The following TC2N variants were observed in gnomAD, a reference collection of about 807,000 sequenced individuals.
TC2N encodes tandem C2 domains nuclear protein.
In TC2N, 51 loss-of-function variants were observed where a neutral mutation model predicts 61.9. That is an observed-to-expected ratio of 0.82 (90% CI 0.66 to 1.04). TC2N has a LOEUF of 1.04. Among genes scored for constraint, TC2N ranks in the 50% least tolerant of loss-of-function variants. TC2N has a pLI of 0.00. For synonymous variants in TC2N, 204 were observed against 192.6 expected (o/e 1.06, Z -0.49); for missense variants, 556 against 566.7 (o/e 0.98, Z 0.19).
chr14:91,803,189 G>C (rs1295712292), intron 3 of TC2N, among the ~76,000 whole-genome samples: 1 of 151,900 alleles, frequency 6.6e-6, no homozygotes, highest in Non-Finnish European at 1.5e-5. Flanking sequence ...GAAAAAATAA[G>C]CCTGCATTCA....
At chr14:91,797,153 G>A (rs996065880) in intron 8 of TC2N, among the ~76,000 whole-genome samples, 2 of 151,828 alleles carry the variant, frequency 1.3e-5, no homozygotes, top group East Asian at 1.9e-4. Context: ...AAAGAAAGAG[G>A]AAGAAAGAAA....
At chr14:91,793,218 C>T (rs780863218) in intron 8 of TC2N, among the ~76,000 whole-genome samples, 17 of 152,160 alleles carry the variant, frequency 1.1e-4, no homozygotes, top group Non-Finnish European at 7.3e-5. Flanking sequence ...GCTCTTGTTA[C>T]TTTTAATATT....
intron 3 of TC2N, among the ~76,000 whole-genome samples, chr14:91,805,605 C>T (rs1056164980): frequency 6.6e-6 from 1 of 151,636 alleles, no homozygotes; most frequent in African/African-American, 2.4e-5. Context: ...GCAGAGGTTG[C>T]AGTGAGCCAG....
intron 1 of TC2N, among the ~76,000 whole-genome samples, chr14:91,834,769 G>A (rs1195585787): frequency 2.0e-5 from 3 of 152,078 alleles, no homozygotes; most frequent in African/African-American, 7.2e-5. Context: ...CTGCCCCCTA[G>A]ATTTCCTCCT....
At chr14:91,866,573 C>T (rs1344471134) in intron 1 of TC2N, 1 of 152,196 alleles carries the variant, frequency 6.6e-6, no homozygotes, top group Non-Finnish European at 1.5e-5. Context: ...TGCAGGCGTC[C>T]CTACTCTTAA....
Position 91,802,401 on chromosome 14 carries a change from C to T in TC2N, c.322G>A (p.Gly108Arg). 1.9e-6 allele frequency: 3 copies of T among 1,611,504 alleles called. No individual in the cohort carries two copies. The highest frequency in any genetic ancestry group is 2.5e-6 in the Non-Finnish European group (3 of 1,179,152). ...ELEGSARASFGDRKVELSSSS... is the reference protein window; with the variant it reads ...ELEGSARASFRDRKVELSSSS... ...CTGGAAAGTTCTACCTTTCGATCTC[C>T]AAAAGATGCTCTGGCAGATCCTGAA... The change falls in exon 4 of 12, where the codon GGA becomes AGA. Residue 108 changes from glycine to arginine, a missense_variant. By Grantham distance (125) the Gly-to-Arg change is moderately radical (BLOSUM62 -2). Coordinates refer to ENST00000435962, the MANE Select transcript of TC2N (RefSeq NM_001128596.3).
chr14:91,851,526 G>A (rs762649024), intron 1 of TC2N, among the ~76,000 whole-genome samples: 8 of 152,066 alleles, frequency 5.3e-5, no homozygotes, highest in Non-Finnish European at 1.0e-4. Flanking sequence ...CCGTAGCGTC[G>A]GAATGAAGAA....
chr14:91,810,956 GA>G (rs1214423912), intron 3 of TC2N, among the ~76,000 whole-genome samples: 3 of 151,846 alleles, frequency 2.0e-5, no homozygotes, highest in Admixed American at 1.3e-4. Context: ...AAAGAGAGGG[GA>G]TAAGACAAAA....
intron 1 of TC2N, among the ~76,000 whole-genome samples, chr14:91,852,771 G>A (rs1250781325): frequency 6.6e-6 from 1 of 152,112 alleles, no homozygotes; most frequent in Non-Finnish European, 1.5e-5. Flanking sequence ...AGAGAGGGCA[G>A]AAGAACATGG....
intron 4 of TC2N, 82 bp downstream of exon 4, chr14:91,802,172 C>A (rs1374104506): frequency 4.7e-6 from 6 of 1,271,912 alleles, no homozygotes; most frequent in Admixed American, 5.8e-5. Flanking sequence ...TAGTAAAAAT[C>A]ATTTATTCCC....
chr14:91,792,546 T>C lies in TC2N; in HGVS notation c.868A>G (p.Met290Val). 6.5e-7 allele frequency: 1 copy of C among 1,535,176 alleles called. No homozygotes were observed. The highest frequency in any genetic ancestry group is 8.9e-7 in the Non-Finnish European group (1 of 1,129,694). Reference sequence around the variant, plus strand: ...TTAATAGCAAATACAAACGTTTCCATAAATTCAATAGCCTTAAAAAAAAAA... The same window carrying C: ...TTAATAGCAAATACAAACGTTTCCACAAATTCAATAGCCTTAAAAAAAAAA... ...AKEGSNAIEFMETFVFAIKLQ... is the reference protein window; with the variant it reads ...AKEGSNAIEFVETFVFAIKLQ... Residue 290 changes from methionine (M) to valine (V), a missense_variant, in exon 9 of 12, where the codon ATG becomes GTG. By Grantham distance (21) the Met-to-Val change is conservative (BLOSUM62 1). Coordinates refer to ENST00000435962, the MANE Select transcript of TC2N (RefSeq NM_001128596.3).
At chr14:91,825,862 T>C (rs17127607) in intron 1 of TC2N, among the ~76,000 whole-genome samples, 3,647 of 152,334 alleles carry the variant, frequency 0.024, 149 homozygotes, top group African/African-American at 0.084. Context: ...TTATTGATAT[T>C]GATTTGTAGC....
chr14:91,809,318 G>A (rs2139858045), intron 3 of TC2N, among the ~76,000 whole-genome samples: 1 of 152,260 alleles, frequency 6.6e-6, no homozygotes, highest in South Asian at 2.1e-4. Context: ...TGAGGCATGA[G>A]AATTGTTTGA....
chr14:91,797,323 A>G (rs1885948254), intron 8 of TC2N, among the ~76,000 whole-genome samples: 1 of 152,036 alleles, frequency 6.6e-6, no homozygotes, highest in South Asian at 2.1e-4. Flanking sequence ...CTTTTAACCT[A>G]TAAAAAGTGA....
At position 91,812,504 on chromosome 14, in the gene TC2N, G is replaced by A; in HGVS notation, c.109C>T (p.Gln37Ter). The change falls in exon 3 of 12, where the codon CAA becomes TAA. Residue 37 changes from glutamine to a stop codon, truncating the protein, a stop_gained. Coordinates refer to ENST00000435962, the MANE Select transcript of TC2N (RefSeq NM_001128596.3). LOFTEE classifies it high-confidence loss of function. ...RDFKAAVPNS[Q>*]NATISVPPLT... ...GGAGGTACAGAGATAGTAGCATTTT[G>A]ACTATTTGGGACTGCTGCTTTAAAA... is the stretch of plus-strand genomic sequence containing the variant. 6.3e-7 allele frequency: 1 copy of A among 1,597,868 alleles called. No individual in the cohort carries two copies. Among genetic ancestry groups the A allele is most frequent in the Non-Finnish European group, 8.6e-7 (1 of 1,169,346 alleles).
intron 1 of TC2N, among the ~76,000 whole-genome samples, chr14:91,851,597 C>A (rs1385579019): frequency 6.6e-6 from 1 of 152,208 alleles, no homozygotes; most frequent in African/African-American, 2.4e-5. Flanking sequence ...ACTTACCTGT[C>A]CCTTTGAAGT....
rs1457201465 is a variant in TC2N, at chr14:91,781,292, C to T, written c.*1808G>A. On this transcript the variant is annotated 3_prime_UTR_variant, in exon 12 of 12. Coordinates refer to ENST00000435962, the MANE Select transcript of TC2N (RefSeq NM_001128596.3). Reference sequence around the variant, plus strand: ...CATTTGCAGAGGATGTTTAGGGCAGCGAAACTATACTATATTATAATGATG... The same window carrying T: ...CATTTGCAGAGGATGTTTAGGGCAGTGAAACTATACTATATTATAATGATG... 5 of 151,918 alleles carry T rather than the reference C, an allele frequency of 3.3e-5. No homozygotes were observed. Among genetic ancestry groups the T allele is most frequent in the Admixed American group, 6.6e-5 (1 of 15,250 alleles). 9.4% of individuals were successfully genotyped at this position (151,918 alleles called of 1,614,324 possible). A position where few individuals can be genotyped will look rare whatever the true frequency, so the allele number is the denominator to read the frequency against.
chr14:91,791,290 A>C (rs1885645239), intron 9 of TC2N, among the ~76,000 whole-genome samples: 1 of 152,008 alleles, frequency 6.6e-6, no homozygotes, highest in Non-Finnish European at 1.5e-5. Flanking sequence ...TTTTTAGTTT[A>C]TGTATGGGCA....
rs767885292 is a variant in TC2N at position 91,802,358 on chromosome 14, G to C, written c.365C>G (p.Pro122Arg). ...GAATGGGTTATACACATCATAGCTA[G>C]GTCCGTGCTGGGATGAACTGGAAAG... is the stretch of plus-strand genomic sequence containing the variant. The part of the protein sequence containing the change: ...VELSSSSQHG[P>R]SYDVYNPFYM... The change falls in exon 4 of 12, where the codon CCT becomes CGT. Residue 122 changes from proline (P) to arginine (R), a missense_variant. Transcript: ENST00000435962. 6.8e-6 allele frequency: 11 copies of C among 1,612,628 alleles called. No homozygotes were observed. Among genetic ancestry groups the C allele is most frequent in the Admixed American group, 1.7e-5 (1 of 59,708 alleles).
Sources: allele counts gnomAD v4.1 joint callset (sites outside exome capture counted in the v4.1 genomes callset), GRCh38; gene constraint gnomAD v4.1.1; transcripts MANE v1.5; gene names NCBI Gene and HGNC (gene_info 2026-07-23, HGNC 2026-07-21).